FCMR: variants seen among roughly 807,000 people sequenced by gnomAD.
FCMR encodes the protein Fc mu receptor.
A neutral mutation model predicts 41.6 loss-of-function variants in FCMR; 34 were observed. That is an observed-to-expected ratio of 0.82 (90% confidence interval 0.62 to 1.09). The LOEUF is 1.09. Among genes scored for constraint, FCMR ranks in the 50% least tolerant of loss-of-function variants. The probability of loss-of-function intolerance (pLI) is 0.00; values close to 1 mark genes in which losing one functional copy is unlikely to be tolerated. For missense variants in FCMR, 496 were observed against 512.5 expected (o/e 0.97, Z 0.31); for synonymous variants, 209 against 211.8 (o/e 0.99, Z 0.12).
In FCMR at chr1:206,909,976, T is replaced by G; in HGVS notation, c.842-108A>C. 2 of 1,260,034 alleles carry G rather than the reference T, an allele frequency of 1.6e-6. No homozygotes were observed. Among genetic ancestry groups the G allele is most frequent in the Middle Eastern group, 2.4e-4 (1 of 4,102 alleles). The allele number at this position is 1,260,034 out of a possible 1,614,324, so 78.1% of individuals were successfully genotyped here. The stretch of plus-strand genomic sequence containing the variant: ...CCCTCGGGCTTGGCAGTGTCTGACC[T>G]GGAGATGCTCCAAGCGTGGGGAATG... On this transcript the variant is annotated intron_variant, in intron 5 of 7. Coordinates refer to ENST00000367091, the MANE Select transcript of FCMR (RefSeq NM_005449.5). The surrounding 1 kb of genome is among the most constrained non-coding windows in gnomAD (Gnocchi z 5.0).
At position 206,913,934 on chromosome 1, in the gene FCMR, G is replaced by A. The variant is rs764455584; in HGVS notation, c.198C>T (p.Asn66=). Residue 66 remains asparagine (N), a synonymous_variant, in exon 2 of 8, where the codon AAC becomes AAT. Transcript: ENST00000367091. ...GTCGTVVSTT[N]FIKAEYKGRV... is the part of the protein sequence containing the mutation. ...GGCCCTTGTATTCTGCCTTGATGAA[G>A]TTGGTGGTGGATACCACGGTACCAC... 2.5e-6 allele frequency: 4 copies of A among 1,614,238 alleles called. No individual in the cohort carries two copies. The highest frequency in any genetic ancestry group is 3.4e-6 in the Non-Finnish European group (4 of 1,180,050).
rs1489591803 is a variant in FCMR at position 206,903,943 on chromosome 1, C to T, written c.*1076G>A. The T allele has an allele frequency of 6.6e-6, 1 of 152,372 alleles. No individual in the cohort carries two copies. The highest frequency in any genetic ancestry group is 6.5e-5 in the Admixed American group (1 of 15,290). 9.4% of individuals were successfully genotyped at this position (152,372 alleles called of 1,614,324 possible). ...TGTACAGCTAGAAAAGGCCTTCTTC[C>T]CAATAGCAAGGCTGTGCATCTAGCC... is the stretch of plus-strand genomic sequence containing the variant. On this transcript the variant is annotated 3_prime_UTR_variant, in exon 8 of 8. Transcript: ENST00000367091.
At position 206,904,651 on chromosome 1, in the gene FCMR, C is replaced by G. The variant is rs575307679; in HGVS notation, c.*368G>C. 2.2e-5 allele frequency: 6 copies of G among 267,334 alleles called. No homozygotes were observed. In the East Asian group the frequency reaches 5.3e-4, roughly 24 times the overall value. 16.6% of individuals were successfully genotyped at this position (267,334 alleles called of 1,614,324 possible). On this transcript the variant is annotated 3_prime_UTR_variant, in exon 8 of 8. Coordinates refer to ENST00000367091, the MANE Select transcript of FCMR (RefSeq NM_005449.5). ...GCCCGAGACAATAGCTATGCCTCTGCCCCAGCCTGATGCCATGTGATCTAG... is the reference window on the plus strand; with the variant it reads ...GCCCGAGACAATAGCTATGCCTCTGGCCCAGCCTGATGCCATGTGATCTAG...
In FCMR at chr1:206,918,129, G is replaced by A. The variant is rs1009436418; in HGVS notation, c.37+3689C>T. ...GTCAAGTCACTGAAATTCTCCTGTT[G>A]CCACATGTAATGGTCACCTCTTTGT... On this transcript the variant is annotated intron_variant, in intron 1 of 7. Coordinates refer to ENST00000367091, the MANE Select transcript of FCMR (RefSeq NM_005449.5). 4.5e-4 allele frequency among the ~76,000 whole-genome samples: 68 copies of A among 152,238 alleles called. 1 individual carries two copies. Among genetic ancestry groups the A allele is most frequent in the African/African-American group, 1.6e-3 (66 of 41,546 alleles).
At position 206,913,894 on chromosome 1, in the gene FCMR, GC is replaced by G; in HGVS notation, c.237del (p.Lys79AsnfsTer10). The G allele has an allele frequency of 6.2e-7, 1 of 1,614,216 alleles. No individual in the cohort carries two copies. The highest frequency in any genetic ancestry group is 8.5e-7 in the Non-Finnish European group (1 of 1,180,040). On this transcript the variant is annotated frameshift_variant, in exon 2 of 8. Transcript: ENST00000367091. LOFTEE classifies it high-confidence loss of function. ...KAEYKGRVTL[K>X]QYPRKNLFLV... ...AGGAACAGATTCTTGCGTGGGTATT[GC>G]TTCAGAGTAACTCGGCCCTTGTATT...
chr1:206,922,944 A>G (rs1234772366), upstream of FCMR, among the ~76,000 whole-genome samples: 1 of 152,062 alleles, frequency 6.6e-6, no homozygotes, highest in African/African-American at 2.4e-5. Context: ...CCCACCTCAC[A>G]TGGCTTTTCT....
At chr1:206,913,178 A>G in intron 2 of FCMR, 136 bp from the exon 3 acceptor site, 1 of 705,896 alleles carries the variant, frequency 1.4e-6, no homozygotes. Context: ...GCAGAGAAGG[A>G]GCTGGGTTGG....
intron 4 of FCMR, 53 bp from the exon 5 acceptor site, chr1:206,910,393 G>A: frequency 7.1e-7 from 1 of 1,411,410 alleles, no homozygotes; most frequent in Non-Finnish European, 9.3e-7. Context: ...AAAGGAGGTA[G>A]GTTGAGGGCT....
intron 1 of FCMR, among the ~76,000 whole-genome samples, chr1:206,920,385 G>C (rs1290348231): frequency 6.6e-6 from 1 of 151,822 alleles, no homozygotes; most frequent in African/African-American, 2.4e-5. Context: ...AACCCAGGAG[G>C]CGGAGGTTGC....
chr1:206,909,780 G>A lies in FCMR; in HGVS notation c.930C>T (p.Ser310=). 1 of 1,458,600 alleles carries A rather than the reference G, an allele frequency of 6.9e-7. No homozygotes were observed. Among genetic ancestry groups the A allele is most frequent in the South Asian group, 1.4e-5 (1 of 73,606 alleles). 90.4% of individuals were successfully genotyped at this position (1,458,600 alleles called of 1,614,324 possible). A position where few individuals can be genotyped will look rare whatever the true frequency, so the allele number is the denominator to read the frequency against. Residue 310 remains serine (S), a synonymous_variant, in exon 6 of 8, where the codon TCC becomes TCT. Coordinates refer to ENST00000367091, the MANE Select transcript of FCMR (RefSeq NM_005449.5). The surrounding 1 kb of genome is among the most constrained non-coding windows in gnomAD (Gnocchi z 5.0). The part of the protein sequence containing the change: ...QRPRGSPRPR[S]QNNIYSACPR... ...GGCAGGCGCTGTAGATGTTGTTTTG[G>A]GAGCGCGGTCGCGGCGACCCGCGGG...
At chr1:206,910,708 A>G (rs559918281) in intron 4 of FCMR, among the ~76,000 whole-genome samples, 1 of 152,332 alleles carries the variant, frequency 6.6e-6, no homozygotes, top group African/African-American at 2.4e-5. Flanking sequence ...TCTTCACGAG[A>G]TTATTGCAGA....
chr1:206,918,520 G>C (rs1679288840), intron 1 of FCMR, among the ~76,000 whole-genome samples: 1 of 152,094 alleles, frequency 6.6e-6, no homozygotes, highest in African/African-American at 2.4e-5. Flanking sequence ...CCAAACTTAG[G>C]ACAGCTGAGA....
chr1:206,919,906 T>C (rs549928013), intron 1 of FCMR, among the ~76,000 whole-genome samples: 18 of 152,230 alleles, frequency 1.2e-4, no homozygotes, highest in Non-Finnish European at 2.6e-4. Flanking sequence ...GTAAACTCCA[T>C]TCCGTTGGAC....
At chr1:206,910,011 C>T in intron 5 of FCMR, 143 bp from the exon 6 acceptor site, 1 of 1,138,650 alleles carries the variant, frequency 8.8e-7, no homozygotes, top group Non-Finnish European at 1.2e-6. Context: ...GTACGAGGCA[C>T]GGCCTTGCCC....
chr1:206,909,577 T>C lies in FCMR; in HGVS notation c.986-57A>G. On this transcript the variant is annotated intron_variant, in intron 6 of 7. Transcript: ENST00000367091. The surrounding 1 kb of genome is among the most constrained non-coding windows in gnomAD (Gnocchi z 5.0). ...GGCCGAGGCTCCCGCCCCACCGTCA[T>C]GCTACTACTCCCAGCTCCACCCCCG... is the stretch of plus-strand genomic sequence containing the variant. 7.8e-7 allele frequency: 1 copy of C among 1,276,206 alleles called. No homozygotes were observed. 79.1% of individuals were successfully genotyped at this position (1,276,206 alleles called of 1,614,324 possible). A position where few individuals can be genotyped will look rare whatever the true frequency, so the allele number is the denominator to read the frequency against.
intron 7 of FCMR, chr1:206,907,884 C>G: frequency 7.7e-7 from 1 of 1,292,142 alleles, no homozygotes. Flanking sequence ...GCTTGCTGCC[C>G]CAAGAGACCA....
At chr1:206,917,577 C>T (rs1269888906) in intron 1 of FCMR, among the ~76,000 whole-genome samples, 4 of 152,188 alleles carry the variant, frequency 2.6e-5, no homozygotes, top group Non-Finnish European at 5.9e-5. Flanking sequence ...ATGGCCTTCT[C>T]ATCTAGCATT....
At chr1:206,908,010 T>G in intron 7 of FCMR, 1 of 1,436,538 alleles carries the variant, frequency 7.0e-7, no homozygotes, top group African/African-American at 1.4e-5. Flanking sequence ...GTCTGAAGCT[T>G]ACAAGAAAGT....
In FCMR at chr1:206,911,934, C is replaced by T; in HGVS notation, c.506G>A (p.Arg169Lys). Reference protein sequence around the residue: ...FVTRVTTPAQRGKVPPVHHSS... With the variant: ...FVTRVTTPAQKGKVPPVHHSS... ...GTGGTGAACTGGAGGGACCTTGCCCCTTTGAGCTGGTGTGGTAACTGCAGG... is the reference window on the plus strand; with the variant it reads ...GTGGTGAACTGGAGGGACCTTGCCCTTTTGAGCTGGTGTGGTAACTGCAGG... Residue 169 changes from arginine (R) to lysine (K), a missense_variant, in exon 4 of 8, where the codon AGG (arginine) becomes AAG (lysine). Physicochemically the swap from Arg to Lys is conservative, Grantham distance 26 (BLOSUM62 2). Coordinates refer to ENST00000367091, the MANE Select transcript of FCMR (RefSeq NM_005449.5). 4 of 1,608,614 alleles carry T rather than the reference C, an allele frequency of 2.5e-6. No individual in the cohort carries two copies. The highest frequency in any genetic ancestry group is 1.7e-6 in the Non-Finnish European group (2 of 1,178,446).
Sources: allele counts gnomAD v4.1 joint callset (sites outside exome capture counted in the v4.1 genomes callset), GRCh38; gene constraint gnomAD v4.1.1; non-coding constraint Gnocchi (gnomAD v3.1); transcripts MANE v1.5; gene names NCBI Gene and HGNC (gene_info 2026-07-23, HGNC 2026-07-21).